The following KCNAB1 variants were observed in gnomAD, a reference collection of about 807,000 sequenced individuals.
KCNAB1 encodes the protein voltage-gated potassium channel subunit beta-1.
KCNAB1 carries 35 observed loss-of-function variants against 64.6 expected under a neutral mutation model. That is an observed-to-expected ratio of 0.54 (90% CI 0.41 to 0.72). The LOEUF (loss-of-function observed/expected upper bound fraction) is 0.72. Ranked by LOEUF, KCNAB1 falls within the 30% of genes least tolerant of loss-of-function variation. The pLI, the probability that KCNAB1 is intolerant of heterozygous loss-of-function variation, is 0.00. For synonymous variants in KCNAB1, 177 were observed against 183.8 expected (o/e 0.96, Z 0.30); for missense variants, 401 against 512.9 (o/e 0.78, Z 2.11).
chr3:156,260,970 T>C (rs1012184417), intron 1 of KCNAB1, among the ~76,000 whole-genome samples: 6 of 152,184 alleles, frequency 3.9e-5, no homozygotes, highest in Non-Finnish European at 7.4e-5. Flanking sequence ...ATTGTGGTTT[T>C]CATTTGCATT....
chr3:156,189,893 G>A (rs969144144), intron 1 of KCNAB1, among the ~76,000 whole-genome samples: 11 of 152,060 alleles, frequency 7.2e-5, no homozygotes, highest in African/African-American at 9.7e-5. Context: ...TAAACAAATC[G>A]CCAATCAAAT....
In KCNAB1 at chr3:156,531,414, T is replaced by C; in HGVS notation, c.1087T>C (p.Cys363Arg). The change falls in exon 13 of 14, where the codon TGC (cysteine) becomes CGC (arginine). Residue 363 changes from cysteine to arginine, a missense_variant. Physicochemically the swap from Cys to Arg is radical, Grantham distance 180. Coordinates refer to ENST00000490337, the MANE Select transcript of KCNAB1 (RefSeq NM_172160.3). ...CCAGTGTCCTCTCCTCCCAGCGTGG[T>C]GCCTGAGAAATGAAGGTGTGAGTTC... ...CTLPQLAVAW[C>R]LRNEGVSSVL... 1 of 1,612,912 alleles carries C rather than the reference T, an allele frequency of 6.2e-7. No homozygotes were observed. Among genetic ancestry groups the C allele is most frequent in the Non-Finnish European group, 8.5e-7 (1 of 1,178,812 alleles).
chr3:156,280,938 T>C (rs905192121), intron 1 of KCNAB1, among the ~76,000 whole-genome samples: 3 of 148,760 alleles, frequency 2.0e-5, no homozygotes, highest in African/African-American at 7.4e-5. Context: ...CCTCTTTTCC[T>C]AATTGAATAC....
intron 1 of KCNAB1, among the ~76,000 whole-genome samples, chr3:156,141,260 G>A (rs555744288): frequency 6.6e-6 from 1 of 152,126 alleles, no homozygotes; most frequent in African/African-American, 2.4e-5. Flanking sequence ...AATATTATAT[G>A]CACTCATTTT....
At chr3:156,422,608 G>A (rs1362524767) in intron 2 of KCNAB1, among the ~76,000 whole-genome samples, 8 of 152,206 alleles carry the variant, frequency 5.3e-5, no homozygotes. Flanking sequence ...GACATACTAA[G>A]TTTGAGATAT....
chr3:156,213,535 A>G (rs1326029543), intron 1 of KCNAB1, among the ~76,000 whole-genome samples: 1 of 152,074 alleles, frequency 6.6e-6, no homozygotes, highest in African/African-American at 2.4e-5. Context: ...CTTAAGCTCC[A>G]TCTCTAATAA....
chr3:156,275,566 A>G (rs1279510892), intron 1 of KCNAB1, among the ~76,000 whole-genome samples: 7 of 152,234 alleles, frequency 4.6e-5, no homozygotes, highest in African/African-American at 1.4e-4. Flanking sequence ...ATTGGAGTCA[A>G]TCCTCTCAAA....
intron 1 of KCNAB1, among the ~76,000 whole-genome samples, chr3:156,137,223 T>A (rs10460860): frequency 3.5e-5 from 1 of 28,944 alleles, no homozygotes; most frequent in Non-Finnish European, 1.0e-4. Context: ...CATACATTGG[T>A]GGGGGGGGAT....
intron 1 of KCNAB1, among the ~76,000 whole-genome samples, chr3:156,325,041 G>T (rs1243157689): frequency 6.6e-6 from 1 of 152,154 alleles, no homozygotes; most frequent in Non-Finnish European, 1.5e-5. Flanking sequence ...TAGTATATGG[G>T]ATAACAACTT....
chr3:156,166,560 G>A (rs1293550499), intron 1 of KCNAB1, among the ~76,000 whole-genome samples: 4 of 148,070 alleles, frequency 2.7e-5, no homozygotes, highest in Non-Finnish European at 6.1e-5. Flanking sequence ...CACACAGATA[G>A]GCAATATATG....
Position 156,359,105 on chromosome 3 carries a change from A to G in KCNAB1, c.276-62511A>G, listed in dbSNP as rs1725439999. 2.6e-5 allele frequency among the ~76,000 whole-genome samples: 4 copies of G among 152,210 alleles called. 1 individual carries two copies. The South Asian group carries it at 8.3e-4, about 32-fold the overall frequency. On this transcript the variant is annotated intron_variant, in intron 1 of 13. Transcript: ENST00000490337. Reference sequence around the variant, plus strand: ...CAGCACCATTCTAGTTTTATCCTGAAGAGGTGTATATATTACTTGCAGAAC... The same window carrying G: ...CAGCACCATTCTAGTTTTATCCTGAGGAGGTGTATATATTACTTGCAGAAC...
chr3:156,152,622 T>C (rs779451071), intron 1 of KCNAB1, among the ~76,000 whole-genome samples: 21 of 152,358 alleles, frequency 1.4e-4, no homozygotes, highest in African/African-American at 5.1e-4. Flanking sequence ...GCAGATGAGA[T>C]AGAAGCTCTG....
intron 1 of KCNAB1, among the ~76,000 whole-genome samples, chr3:156,312,730 AACT>A (rs1722007388): frequency 4.0e-5 from 6 of 150,156 alleles, no homozygotes; most frequent in Non-Finnish European, 8.9e-5. Context: ...AAAAAAAAAA[AACT>A]CATAATAATG....
chr3:156,194,653 T>C (rs1180841996), intron 1 of KCNAB1, among the ~76,000 whole-genome samples: 3 of 152,202 alleles, frequency 2.0e-5, no homozygotes, highest in Non-Finnish European at 2.9e-5. Context: ...TCCATTATTT[T>C]TTCAATTTTT....
intron 8 of KCNAB1, among the ~76,000 whole-genome samples, chr3:156,488,071 T>C (rs1444097623): frequency 6.6e-5 from 10 of 152,050 alleles, no homozygotes; most frequent in African/African-American, 2.4e-4. Context: ...CATGACATAG[T>C]ATAAACACTC....
intron 1 of KCNAB1, among the ~76,000 whole-genome samples, chr3:156,412,106 A>G (rs149557586): frequency 5.3e-5 from 8 of 152,288 alleles, no homozygotes; most frequent in African/African-American, 1.9e-4. Flanking sequence ...ATTTTAATAA[A>G]TTTATAAACA....
intron 1 of KCNAB1, among the ~76,000 whole-genome samples, chr3:156,134,779 A>G (rs1475508166): frequency 1.3e-5 from 2 of 152,230 alleles, no homozygotes; most frequent in African/African-American, 4.8e-5. Flanking sequence ...AGCCAAAGAA[A>G]ACATTCTAGC....
chr3:156,479,699 A>G (rs907983682), intron 8 of KCNAB1, among the ~76,000 whole-genome samples: 1 of 152,192 alleles, frequency 6.6e-6, no homozygotes, highest in Non-Finnish European at 1.5e-5. Context: ...GCTTGTTGCC[A>G]AGACTGATTA....
At chr3:156,119,744 G>A (rs951024861), upstream of KCNAB1, among the ~76,000 whole-genome samples, 2 of 152,198 alleles carry the variant, frequency 1.3e-5, no homozygotes, top group Non-Finnish European at 2.9e-5. Flanking sequence ...CCATGGGTGT[G>A]TGTGGGTCAA....
Sources: allele counts gnomAD v4.1 joint callset (sites outside exome capture counted in the v4.1 genomes callset), GRCh38; gene constraint gnomAD v4.1.1; transcripts MANE v1.5; gene names NCBI Gene and HGNC (gene_info 2026-07-23, HGNC 2026-07-21).